The following NSG1 variants were observed in gnomAD, a reference collection of about 807,000 sequenced individuals.
The protein encoded by NSG1 is neuronal vesicle trafficking-associated protein 1.
NSG1 carries 9 observed loss-of-function variants against 19.3 expected under a neutral mutation model. The ratio of observed to expected loss-of-function variants is 0.47; its 90% confidence interval spans 0.28 to 0.81. The LOEUF (loss-of-function observed/expected upper bound fraction) is 0.81, where lower values mean the gene tolerates loss of function less well. Among genes scored for constraint, NSG1 ranks in the 40% least tolerant of loss-of-function variants. NSG1 has a pLI of 0.11. For synonymous variants in NSG1, 104 were observed against 107.0 expected, an observed-to-expected ratio of 0.97 and a Z score of 0.17; for missense variants, 236 against 242.4, an observed-to-expected ratio of 0.97 and a Z score of 0.18.
intron 3 of NSG1, among the ~76,000 whole-genome samples, chr4:4,398,475 A>G (rs1470600285): frequency 1.3e-5 from 2 of 152,070 alleles, no homozygotes; most frequent in African/African-American, 2.4e-5. Flanking sequence ...GTTAGCCACA[A>G]ATCTGTTTTG....
At chr4:4,410,204 C>T (rs866186510) in intron 4 of NSG1, among the ~76,000 whole-genome samples, 3 of 152,168 alleles carry the variant, frequency 2.0e-5, no homozygotes, top group Non-Finnish European at 4.4e-5. Flanking sequence ...CCTGTCCCAC[C>T]GCAGGAGCCA....
intron 3 of NSG1, among the ~76,000 whole-genome samples, chr4:4,405,989 G>T (rs1380553597): frequency 6.6e-6 from 1 of 152,202 alleles, no homozygotes; most frequent in African/African-American, 2.4e-5. Flanking sequence ...CCCAACTGGA[G>T]AAACAGGTTT....
At chr4:4,403,293 C>T (rs1005249279) in intron 3 of NSG1, among the ~76,000 whole-genome samples, 12 of 152,202 alleles carry the variant, frequency 7.9e-5, no homozygotes, top group Non-Finnish European at 1.5e-5. Flanking sequence ...GTCAGAAGTC[C>T]TAAGTCAGTT....
intron 3 of NSG1, among the ~76,000 whole-genome samples, chr4:4,404,689 C>T (rs1560144418): frequency 1.3e-5 from 2 of 152,214 alleles, no homozygotes; most frequent in African/African-American, 4.8e-5. Context: ...TAACATCATC[C>T]AATGTTCCAG....
chr4:4,418,566 A>T lies in NSG1; in HGVS notation c.*1131A>T, dbSNP rs1724721450. 2 of 152,710 alleles carry T rather than the reference A, an allele frequency of 1.3e-5. No homozygotes were observed. The highest frequency in any genetic ancestry group is 4.1e-4 in the South Asian group (2 of 4,822). 9.5% of individuals were successfully genotyped at this position (152,710 alleles called of 1,614,324 possible). On this transcript the variant is annotated 3_prime_UTR_variant, in exon 5 of 5. Coordinates refer to ENST00000621129, the MANE Select transcript of NSG1 (RefSeq NM_014392.5). ...ACAAAACTGCCAGTTAGATGAACTA[A>T]GTGTGTAAAACAAATAGAAAAGACA...
chr4:4,415,746 T>C, intron 4 of NSG1: 1 of 214,658 alleles, frequency 4.7e-6, no homozygotes, highest in South Asian at 7.1e-5. Flanking sequence ...GTTGGCCGCA[T>C]CAGGTCTTGC....
Position 4,391,584 on chromosome 4 carries a change from G to A in NSG1, c.239G>A (p.Arg80Lys). The change falls in exon 3 of 5, where the codon AGG becomes AAG. Residue 80 changes from arginine to lysine, a missense_variant. Arg to Lys is a conservative substitution (Grantham distance 26). Coordinates refer to ENST00000621129, the MANE Select transcript of NSG1 (RefSeq NM_014392.5). Reference sequence around the variant, plus strand: ...AGCATCACGGAGGGTGTCACCGAGAGGTTTAAGGTGAGTGGTCCTGTGCTG... The same window carrying A: ...AGCATCACGGAGGGTGTCACCGAGAAGTTTAAGGTGAGTGGTCCTGTGCTG... ...TVSITEGVTERFKVSVLVLFA... is the reference protein window; with the variant it reads ...TVSITEGVTEKFKVSVLVLFA... 1.2e-6 allele frequency: 2 copies of A among 1,606,240 alleles called. No individual in the cohort carries two copies. The highest frequency in any genetic ancestry group is 1.7e-6 in the Non-Finnish European group (2 of 1,175,198).
intron 3 of NSG1, among the ~76,000 whole-genome samples, chr4:4,394,237 C>T (rs1723134998): frequency 6.6e-6 from 1 of 152,136 alleles, no homozygotes; most frequent in Non-Finnish European, 1.5e-5. Context: ...TCCACTTCTT[C>T]AAATCCTTTT....
rs1724134958 is a variant in NSG1, at chr4:4,410,782, G to A, written c.357+1099G>A. On this transcript the variant is annotated intron_variant, in intron 4 of 4. Transcript: ENST00000621129. ...GTAGACGAGTGAGCGCTGGACATGT[G>A]GGCTACACTCCATTCATAACATACT... Among the ~76,000 whole-genome samples, 3 of 152,238 alleles carry A rather than the reference G, an allele frequency of 2.0e-5. No individual in the cohort carries two copies. In the South Asian group the frequency reaches 6.2e-4, roughly 32 times the overall value.
At chr4:4,388,510 G>A (rs1400591205) in intron 2 of NSG1, among the ~76,000 whole-genome samples, 17 of 152,232 alleles carry the variant, frequency 1.1e-4, no homozygotes, top group Non-Finnish European at 1.8e-4. Flanking sequence ...ACTTAAAAAT[G>A]TAAATAGATC....
intron 3 of NSG1, among the ~76,000 whole-genome samples, chr4:4,400,269 T>C (rs1388830173): frequency 2.6e-5 from 4 of 152,200 alleles, no homozygotes; most frequent in African/African-American, 9.7e-5. Context: ...CAGTTGACCA[T>C]GGACTCATAG....
intron 3 of NSG1, 126 bp from the exon 4 acceptor site, chr4:4,409,447 C>G (rs981188280): frequency 1.4e-6 from 1 of 719,216 alleles, no homozygotes; most frequent in Admixed American, 2.1e-5. Context: ...CCTAGCTGCC[C>G]TTACCAGGTT....
Position 4,391,480 on chromosome 4 carries a change from C to G in NSG1, c.135C>G (p.Val45=), listed in dbSNP as rs138004441. 6.2e-7 allele frequency: 1 copy of G among 1,605,444 alleles called. No individual in the cohort carries two copies. The change falls in exon 3 of 5, where the codon GTC becomes GTG. Residue 45 remains valine (V), a synonymous_variant. Transcript: ENST00000621129. ...TTCTCTGTTTCCTGGATAAGGTGGT[C>G]GTGAAAACTAAGACCGAGTATGAAC... ...QLQFPPPDKV[V]VKTKTEYEPD...
rs184406938 is a variant in NSG1, at chr4:4,405,254, C to T, written c.247-4319C>T. ...CCTCACGCGGCCCTCTCCCTATATG[C>T]GTGTCTGTCTACATCCAAATTTCCC... On this transcript the variant is annotated intron_variant, in intron 3 of 4. Coordinates refer to ENST00000621129, the MANE Select transcript of NSG1 (RefSeq NM_014392.5). Among the ~76,000 whole-genome samples the T allele has an allele frequency of 2.2e-4, 33 of 152,304 alleles. No homozygotes were observed. In the East Asian group the frequency reaches 4.8e-3, roughly 22 times the overall value.
intron 3 of NSG1, among the ~76,000 whole-genome samples, chr4:4,405,042 G>T (rs1324072898): frequency 6.6e-6 from 1 of 152,148 alleles, no homozygotes; most frequent in Non-Finnish European, 1.5e-5. Context: ...CCACAAACTG[G>T]GGGGACTCAG....
intron 3 of NSG1, among the ~76,000 whole-genome samples, chr4:4,402,368 G>GTTTTTTT (rs1560143233): frequency 7.0e-5 from 7 of 99,600 alleles, no homozygotes; most frequent in African/African-American, 2.5e-4. Flanking sequence ...ACCACGCCTG[G>GTTTTTTT]TTATTTTTTT....
rs1320657461 is a variant in NSG1 at position 4,418,972 on chromosome 4, C to T, written c.*1537C>T. ...AGTGCAGAGGCCGAGCCTGTATTTC[C>T]AGGTAGACGTGGACTTTATTGACTG... On this transcript the variant is annotated 3_prime_UTR_variant, in exon 5 of 5. Coordinates refer to ENST00000621129, the MANE Select transcript of NSG1 (RefSeq NM_014392.5). The T allele has an allele frequency of 1.3e-5, 2 of 152,232 alleles. No individual in the cohort carries two copies. Among genetic ancestry groups the T allele is most frequent in the Non-Finnish European group, 2.9e-5 (2 of 68,050 alleles). 9.4% of individuals were successfully genotyped at this position (152,232 alleles called of 1,614,324 possible).
chr4:4,409,926 C>T (rs747722206), intron 4 of NSG1, among the ~76,000 whole-genome samples: 7 of 152,224 alleles, frequency 4.6e-5, no homozygotes, highest in African/African-American at 7.2e-5. Flanking sequence ...GAGCTGACCT[C>T]AGCAGTCCGG....
At chr4:4,397,649 C>A (rs1156876730) in intron 3 of NSG1, among the ~76,000 whole-genome samples, 1 of 152,208 alleles carries the variant, frequency 6.6e-6, no homozygotes, top group Non-Finnish European at 1.5e-5. Context: ...AACTCCTGGC[C>A]CAGGTGGGGC....
Sources: allele counts gnomAD v4.1 joint callset (sites outside exome capture counted in the v4.1 genomes callset), GRCh38; gene constraint gnomAD v4.1.1; transcripts MANE v1.5; gene names NCBI Gene and HGNC (gene_info 2026-07-23, HGNC 2026-07-21).